Variants in ARHGEF33 observed in about 807,000 individuals in gnomAD.
ARHGEF33 encodes the protein Rho guanine nucleotide exchange factor 33.
ARHGEF33 carries 72 observed loss-of-function variants against 101.9 expected under a neutral mutation model. The observed-to-expected ratio is 0.71, with a 90% CI of 0.58 to 0.86. The LOEUF is 0.86. Ranked by LOEUF, ARHGEF33 falls within the 40% of genes least tolerant of loss-of-function variation. The pLI, the probability that ARHGEF33 is intolerant of heterozygous loss-of-function variation, is 0.00. For synonymous variants in ARHGEF33, 499 were observed against 442.5 expected (o/e 1.13, Z -1.60); for missense variants, 1,169 against 1,111.3 (o/e 1.05, Z -0.74).
chr2:38,935,968 C>A (rs773337085), intron 8 of ARHGEF33, 134 bp downstream of exon 8: 1 of 767,812 alleles, frequency 1.3e-6, no homozygotes. Context: ...TATGAAGTTA[C>A]GAAGATTCCA....
At chr2:38,957,207 G>T (rs1667788902) in intron 14 of ARHGEF33, among the ~76,000 whole-genome samples, 160 bp downstream of exon 14, 1 of 152,132 alleles carries the variant, frequency 6.6e-6, no homozygotes, top group Non-Finnish European at 1.5e-5. Context: ...GGTTATAGGA[G>T]CAAGACACTG....
intron 2 of ARHGEF33, among the ~76,000 whole-genome samples, chr2:38,897,130 G>T (rs1666139628): frequency 6.6e-6 from 1 of 152,006 alleles, no homozygotes; most frequent in African/African-American, 2.4e-5. Flanking sequence ...TGGTCAGGCT[G>T]GTCTCGAACT....
rs558822723 is a variant in ARHGEF33, at chr2:38,965,781, A to G, written c.2344-225A>G. On this transcript the variant is annotated intron_variant, in intron 16 of 17. Coordinates refer to ENST00000409978, the MANE Select transcript of ARHGEF33 (RefSeq NM_001145451.5). ...TTATTGTTATATATTACACTAGACT[A>G]TTTGCCTTGATACATAGAAAATACT... is the stretch of plus-strand genomic sequence containing the variant. Among the ~76,000 whole-genome samples, 8 of 152,292 alleles carry G rather than the reference A, an allele frequency of 5.3e-5. No individual in the cohort carries two copies. In the South Asian group the frequency reaches 1.0e-3, roughly 20 times the overall value.
chr2:38,942,468 C>CTTTTTTT (rs58695451), intron 9 of ARHGEF33, among the ~76,000 whole-genome samples: 1 of 132,786 alleles, frequency 7.5e-6, no homozygotes, highest in Non-Finnish European at 1.6e-5. Flanking sequence ...CCCCTCTTAT[C>CTTTTTTT]TTTTTTTTTT....
Position 38,894,001 on chromosome 2 carries a change from A to G in ARHGEF33, c.-158-1776A>G, listed in dbSNP as rs114982718. On this transcript the variant is annotated intron_variant, in intron 1 of 17. Coordinates refer to ENST00000409978, the MANE Select transcript of ARHGEF33 (RefSeq NM_001145451.5). Reference sequence around the variant, plus strand: ...AAGCAGAAAGCACACATAGGCTCCAAGGAAATATAAGAAAACTTTCCAGAA... The same window carrying G: ...AAGCAGAAAGCACACATAGGCTCCAGGGAAATATAAGAAAACTTTCCAGAA... 6.1e-3 allele frequency among the ~76,000 whole-genome samples: 928 copies of G among 152,254 alleles called. 12 individuals carry two copies. Among genetic ancestry groups the G allele is most frequent in the African/African-American group, 0.021 (871 of 41,526 alleles).
At chr2:38,909,494 T>C (rs1666463382) in intron 2 of ARHGEF33, among the ~76,000 whole-genome samples, 1 of 143,088 alleles carries the variant, frequency 7.0e-6, no homozygotes, top group East Asian at 2.6e-4. Flanking sequence ...GCTAATTTCT[T>C]TTTTTTTTTT....
chr2:38,919,410 G>T lies in ARHGEF33; in HGVS notation c.-38G>T. The T allele has an allele frequency of 6.4e-7, 1 of 1,551,450 alleles. No individual in the cohort carries two copies. Among genetic ancestry groups the T allele is most frequent in the South Asian group, 1.2e-5 (1 of 84,058 alleles). On this transcript the variant is annotated 5_prime_UTR_variant, in exon 3 of 18. The change abolishes an upstream ATG in the 5' untranslated region. Transcript: ENST00000409978. ...TGAGCCAGGACGATGAGGATGCAATGTTGAAGAATAAGCTGGAGAAGAGAA... is the reference window on the plus strand; with the variant it reads ...TGAGCCAGGACGATGAGGATGCAATTTTGAAGAATAAGCTGGAGAAGAGAA...
intron 11 of ARHGEF33, among the ~76,000 whole-genome samples, chr2:38,951,862 T>C (rs143647459): frequency 4.5e-4 from 68 of 152,302 alleles, no homozygotes; most frequent in African/African-American, 1.6e-3. Flanking sequence ...TTGCAATCTC[T>C]ACAATATCCT....
In ARHGEF33 at chr2:38,937,469, G is replaced by A. The variant is rs891432113; in HGVS notation, c.700G>A (p.Val234Ile). 9.0e-5 allele frequency: 139 copies of A among 1,550,440 alleles called. 1 individual carries two copies. Among genetic ancestry groups the A allele is most frequent in the Non-Finnish European group, 1.1e-4 (130 of 1,146,292 alleles). Residue 234 changes from valine (V) to isoleucine (I), a missense_variant, in exon 9 of 18, where the codon GTC becomes ATC. Coordinates refer to ENST00000409978, the MANE Select transcript of ARHGEF33 (RefSeq NM_001145451.5). ...TGGTAAAGAATGGGGTGAAGAATAC[G>A]TCACAAAAGACCACCCAGATAAACT... ...KDGKEWGEEY[V>I]TKDHPDKLKE...
At chr2:38,910,780 C>T (rs1275014375) in intron 2 of ARHGEF33, among the ~76,000 whole-genome samples, 13 of 152,152 alleles carry the variant, frequency 8.5e-5, no homozygotes, top group Admixed American at 8.5e-4. Flanking sequence ...AACCAGTTTA[C>T]GCAGATGGCT....
chr2:38,963,018 T>C, intron 16 of ARHGEF33, among the ~76,000 whole-genome samples: 1 of 90,544 alleles, frequency 1.1e-5, no homozygotes. Context: ...TGTGAGACTC[T>C]GTCTCAAAAA....
intron 2 of ARHGEF33, among the ~76,000 whole-genome samples, chr2:38,898,730 C>G (rs1234590396): frequency 6.6e-6 from 1 of 152,122 alleles, no homozygotes; most frequent in Non-Finnish European, 1.5e-5. Flanking sequence ...TTCATAAAGT[C>G]TCAAGGATAT....
At chr2:38,946,446 A>G (rs570247580) in intron 10 of ARHGEF33, among the ~76,000 whole-genome samples, 9 of 152,210 alleles carry the variant, frequency 5.9e-5, no homozygotes, top group Non-Finnish European at 1.0e-4. Flanking sequence ...TTTTCTTTGC[A>G]TGGACCAAGC....
chr2:38,926,390 C>G (rs1241609698), intron 4 of ARHGEF33, among the ~76,000 whole-genome samples: 2 of 152,160 alleles, frequency 1.3e-5, no homozygotes, highest in East Asian at 3.9e-4. Flanking sequence ...AGGGAGTGGT[C>G]AGGGTCGGTA....
intron 2 of ARHGEF33, among the ~76,000 whole-genome samples, chr2:38,906,225 C>G (rs1013480558): frequency 6.7e-6 from 1 of 148,732 alleles, no homozygotes; most frequent in Non-Finnish European, 1.5e-5. Flanking sequence ...TTCTGAAGAA[C>G]AGGATTGCTA....
chr2:38,944,577 A>C (rs995464878), intron 10 of ARHGEF33, among the ~76,000 whole-genome samples: 2 of 152,188 alleles, frequency 1.3e-5, no homozygotes, highest in African/African-American at 2.4e-5. Flanking sequence ...GGCAAGTCTT[A>C]AACTTAGATT....
chr2:38,914,553 G>A (rs769805239), intron 2 of ARHGEF33, among the ~76,000 whole-genome samples: 11 of 151,488 alleles, frequency 7.3e-5, no homozygotes, highest in Non-Finnish European at 1.0e-4. Context: ...TATAATCCCA[G>A]CTACTTGGGA....
At chr2:38,936,438 A>G (rs547197309) in intron 8 of ARHGEF33, among the ~76,000 whole-genome samples, 2 of 152,200 alleles carry the variant, frequency 1.3e-5, no homozygotes, top group Non-Finnish European at 2.9e-5. Context: ...GTGCTCCAGC[A>G]TCTGGTGTGC....
intron 4 of ARHGEF33, among the ~76,000 whole-genome samples, chr2:38,928,054 C>T (rs961027729): frequency 6.6e-6 from 1 of 152,144 alleles, no homozygotes; most frequent in Admixed American, 6.5e-5. Context: ...TACATTTACT[C>T]AGTTAATTCT....
Sources: allele counts gnomAD v4.1 joint callset (sites outside exome capture counted in the v4.1 genomes callset), GRCh38; gene constraint gnomAD v4.1.1; transcripts MANE v1.5; gene names NCBI Gene and HGNC (gene_info 2026-07-23, HGNC 2026-07-21).